DIP2C: variants seen among roughly 807,000 people sequenced by gnomAD.
DIP2C encodes DIP2 acetate--CoA ligase C (putative).
Under a neutral mutation model 192.4 loss-of-function variants are expected in DIP2C, and 33 were observed. That is an observed-to-expected ratio of 0.17 (90% CI 0.13 to 0.23). DIP2C has a LOEUF of 0.23. DIP2C is among the 10% of genes least tolerant of loss of function. The pLI, the probability that DIP2C is intolerant of heterozygous loss-of-function variation, is 1.00. For synonymous variants in DIP2C, 979 were observed against 864.1 expected, an observed-to-expected ratio of 1.13 and a Z score of -2.33; for missense variants, 1,537 against 2,110.1, an observed-to-expected ratio of 0.73 and a Z score of 5.32.
intron 1 of DIP2C, among the ~76,000 whole-genome samples, chr10:548,205 CCCA>C (rs1392773793): frequency 5.3e-5 from 4 of 75,132 alleles, no homozygotes; most frequent in African/African-American, 1.8e-4. Flanking sequence ...ACGAGTCTGC[CCCA>C]CCCCCCCCCC....
intron 1 of DIP2C, among the ~76,000 whole-genome samples, chr10:596,818 GTCA>G (rs1851737082): frequency 6.6e-6 from 1 of 152,346 alleles, no homozygotes; most frequent in South Asian, 2.1e-4. Flanking sequence ...TGGGGAGCCT[GTCA>G]TCACCACCAC....
chr10:564,873 A>G (rs1442289142), intron 1 of DIP2C, among the ~76,000 whole-genome samples: 1 of 152,226 alleles, frequency 6.6e-6, no homozygotes, highest in Non-Finnish European at 1.5e-5. Context: ...CTGACTTCCT[A>G]GAAGACTCAC....
intron 10 of DIP2C, among the ~76,000 whole-genome samples, chr10:392,378 G>A (rs995624036): frequency 3.3e-5 from 5 of 152,152 alleles, no homozygotes; most frequent in African/African-American, 1.2e-4. Flanking sequence ...CCAACCTTTC[G>A]CTAAACCCTG....
At chr10:533,111 C>T (rs915344521) in intron 1 of DIP2C, among the ~76,000 whole-genome samples, 3 of 152,178 alleles carry the variant, frequency 2.0e-5, no homozygotes, top group African/African-American at 7.2e-5. Flanking sequence ...GAGGGTTTTC[C>T]TGAATCTCAA....
At chr10:547,927 A>T (rs112445033) in intron 1 of DIP2C, among the ~76,000 whole-genome samples, 1,776 of 152,078 alleles carry the variant, frequency 0.012, 38 homozygotes, top group African/African-American at 0.04. Context: ...GGTCACCCTT[A>T]TCTCTCATTT....
chr10:662,072 G>A (rs1856794348), intron 1 of DIP2C: 4 of 717,190 alleles, frequency 5.6e-6, no homozygotes, highest in Non-Finnish European at 1.0e-5. Context: ...GCACATCAAA[G>A]GCACGATTCT....
chr10:472,664 G>A (rs1040814808), intron 2 of DIP2C, 115 bp from the exon 3 acceptor site: 18 of 910,402 alleles, frequency 2.0e-5, no homozygotes, highest in African/African-American at 9.8e-5. Flanking sequence ...CCACGGGACT[G>A]GGCATGGCGG....
chr10:588,278 C>T (rs535189383), intron 1 of DIP2C, among the ~76,000 whole-genome samples: 2 of 152,236 alleles, frequency 1.3e-5, no homozygotes, highest in African/African-American at 4.8e-5. Context: ...CCTCCGGAAA[C>T]CCCACATCCA....
chr10:324,316 A>C (rs973062672), intron 31 of DIP2C, among the ~76,000 whole-genome samples: 1 of 152,224 alleles, frequency 6.6e-6, no homozygotes, highest in Non-Finnish European at 1.5e-5. Flanking sequence ...TTGCTGCAGG[A>C]ACACTGGCAC....
At chr10:353,140 G>A (rs988801971) in intron 24 of DIP2C, among the ~76,000 whole-genome samples, 4 of 149,926 alleles carry the variant, frequency 2.7e-5, no homozygotes, top group Non-Finnish European at 5.9e-5. Flanking sequence ...TTCCCCCACA[G>A]AAGTGCTGGG....
At chr10:643,266 G>A (rs983799867) in intron 1 of DIP2C, among the ~76,000 whole-genome samples, 17 of 149,184 alleles carry the variant, frequency 1.1e-4, no homozygotes, top group Non-Finnish European at 2.2e-4. Context: ...TGTAATCCCA[G>A]CACTTTGGGA....
chr10:509,850 T>G (rs1845892351), intron 1 of DIP2C, among the ~76,000 whole-genome samples: 1 of 152,086 alleles, frequency 6.6e-6, no homozygotes, highest in African/African-American at 2.4e-5. Context: ...CGCAGTCTCC[T>G]CCCAACCCAC....
At chr10:571,640 G>A (rs1047376804) in intron 1 of DIP2C, among the ~76,000 whole-genome samples, 1 of 152,086 alleles carries the variant, frequency 6.6e-6, no homozygotes, top group Non-Finnish European at 1.5e-5. Context: ...TGTTTTTATT[G>A]CAATGATTAT....
chr10:314,233 T>C (rs1956679217), intron 31 of DIP2C, among the ~76,000 whole-genome samples: 1 of 152,232 alleles, frequency 6.6e-6, no homozygotes, highest in Non-Finnish European at 1.5e-5. Flanking sequence ...GTACTCCCAG[T>C]GATCTTTTCA....
At chr10:459,994 C>G (rs1969637687) in intron 3 of DIP2C, among the ~76,000 whole-genome samples, 2 of 151,646 alleles carry the variant, frequency 1.3e-5, no homozygotes, top group Admixed American at 1.3e-4. Context: ...ACCTGCTGCA[C>G]GTGAGCTCTA....
At chr10:283,576 A>C in intron 34 of DIP2C, 130 bp from the exon 35 acceptor site, 1 of 1,135,362 alleles carries the variant, frequency 8.8e-7, no homozygotes, top group Non-Finnish European at 1.3e-6. Context: ...TGAATAACCA[A>C]GATGATGTTA....
intron 1 of DIP2C, among the ~76,000 whole-genome samples, chr10:655,011 C>T (rs1254065775): frequency 6.6e-6 from 1 of 152,202 alleles, no homozygotes; most frequent in African/African-American, 2.4e-5. Context: ...GGGTCCCAGA[C>T]AGCCTCCAGC....
At chr10:680,602 T>TC (rs1831095778) in intron 1 of DIP2C, among the ~76,000 whole-genome samples, 1 of 152,092 alleles carries the variant, frequency 6.6e-6, no homozygotes, top group East Asian at 1.9e-4. Flanking sequence ...GCCCACACGG[T>TC]CTAGTTTACC....
chr10:484,099 A>AC (rs1260204225), intron 2 of DIP2C, among the ~76,000 whole-genome samples: 1 of 151,932 alleles, frequency 6.6e-6, no homozygotes, highest in African/African-American at 2.4e-5. Context: ...GTGAGCCACC[A>AC]CCCCCGGCCT....
Sources: gnomAD v4.1 joint callset for allele counts (sites outside exome capture counted in the v4.1 genomes callset) on GRCh38, gnomAD v4.1.1 for gene constraint, MANE v1.5 for transcripts, NCBI Gene and HGNC (gene_info 2026-07-23, HGNC 2026-07-21) for gene names.